LILRB3: variants seen among roughly 807,000 people sequenced by gnomAD.
LILRB3 encodes leukocyte immunoglobulin-like receptor subfamily B member 3.
In LILRB3, 32 loss-of-function variants were observed where a neutral mutation model predicts 68.2. The ratio of observed to expected loss-of-function variants is 0.47; its 90% confidence interval spans 0.35 to 0.63. The LOEUF (loss-of-function observed/expected upper bound fraction) is 0.63, where lower values mean the gene tolerates loss of function less well. Among genes scored for constraint, LILRB3 ranks in the 30% least tolerant of loss-of-function variants. The pLI is 0.00. For synonymous variants in LILRB3, 185 were observed against 323.1 expected (o/e 0.57, Z 4.58); for missense variants, 502 against 791.3 (o/e 0.63, Z 4.39).
At position 54,218,683 on chromosome 19, in the gene LILRB3, C is replaced by T. The variant is rs1013379659; in HGVS notation, c.1503-1G>A. 1.2e-6 allele frequency: 2 copies of T among 1,614,176 alleles called. No homozygotes were observed. The highest frequency in any genetic ancestry group is 2.2e-5 in the East Asian group (1 of 44,876). The stretch of plus-strand genomic sequence containing the variant: ...CTGGACGTCAGCAGCTGGGCTGGAC[C>T]TGGAGGAGGACATGGGAGTGTGAGG... On this transcript the variant is annotated splice_acceptor_variant, in intron 9 of 12. Transcript: ENST00000445347. LOFTEE classifies it high-confidence loss of function.
exon 11 of LILRB3, chr19:54,218,405 C>A: frequency 6.2e-7 from 1 of 1,614,186 alleles, no homozygotes; most frequent in Non-Finnish European, 8.5e-7. Context: ...GTGTCCTTCA[C>A]AGCAGCATCT....
exon 11 of LILRB3, chr19:54,218,405 C>G (rs376273004): frequency 6.2e-7 from 1 of 1,614,186 alleles, no homozygotes; most frequent in Non-Finnish European, 8.5e-7. Flanking sequence ...GTGTCCTTCA[C>G]AGCAGCATCT....
chr19:54,218,817 T>C, exon 9 of LILRB3: 3 of 1,614,142 alleles, frequency 1.9e-6, no homozygotes, highest in Non-Finnish European at 2.5e-6. Flanking sequence ...TGCAGGACGC[T>C]GGAAATCAGT....
At position 54,222,603 on chromosome 19, in the gene LILRB3, G is replaced by A. The variant is rs1384040636; in HGVS notation, c.71-41C>T. 1.2e-4 allele frequency: 194 copies of A among 1,610,764 alleles called. 5 individuals carry two copies. In the East Asian group the frequency reaches 2.4e-3, roughly 20 times the overall value. ...AGGCTGGATCCCAAGACATCCCCAC[G>A]CTCAGATCCCAGCTCCCAGCCCCAG... On this transcript the variant is annotated intron_variant, in intron 2 of 12. Coordinates refer to ENST00000445347, the Ensembl canonical transcript of LILRB3.
exon 12 of LILRB3, chr19:54,217,414 T>G (rs748248969): frequency 1.9e-6 from 3 of 1,608,072 alleles, no homozygotes; most frequent in Non-Finnish European, 2.5e-6. Context: ...ATTTCTCTCC[T>G]AGGACTGGAG....
At chr19:54,219,003 G>A (rs1198566481) in intron 8 of LILRB3, 126 bp downstream of exon 8, 30 of 1,516,960 alleles carry the variant, frequency 2.0e-5, no homozygotes, top group South Asian at 5.1e-5. Flanking sequence ...TTGTAAATGC[G>A]TATTGAAATT....
chr19:54,220,577 G>A (rs764615783), exon 6 of LILRB3: 1 of 1,431,120 alleles, frequency 7.0e-7, no homozygotes, highest in Non-Finnish European at 9.5e-7. Context: ...GCAGGTGGGG[G>A]TTGGAGCTGC....
exon 9 of LILRB3, chr19:54,218,805 C>T (rs2077757291): frequency 6.2e-7 from 1 of 1,613,964 alleles, no homozygotes; most frequent in African/African-American, 1.3e-5. Flanking sequence ...CTCCGCAGCC[C>T]CTGCAGGACG....
chr19:54,218,855 A>G lies in LILRB3; in HGVS notation c.1427-17T>C. ...TTCTCTGGTCTGGGTGAAGATGGAC[A>G]GAGTCTCAGCCCTGGGAACATTAGA... On this transcript the variant is annotated splice_polypyrimidine_tract_variant and intron_variant, in intron 8 of 12. Transcript: ENST00000445347. The G allele has an allele frequency of 6.2e-7, 1 of 1,613,676 alleles. No homozygotes were observed.
chr19:54,219,835 C>A (rs1415119414), intron 7 of LILRB3: 2 of 1,541,762 alleles, frequency 1.3e-6, no homozygotes, highest in Non-Finnish European at 1.8e-6. Flanking sequence ...TCCCCTGGAC[C>A]CCGCCCATCT....
At chr19:54,221,946 C>T in exon 4 of LILRB3, 9 of 1,603,458 alleles carry the variant, frequency 5.6e-6, no homozygotes, top group Non-Finnish European at 6.8e-6. Flanking sequence ...CCACAGGGAA[C>T]AGGGCCTGGA....
chr19:54,221,743 C>T (rs2078199125), intron 4 of LILRB3, 85 bp downstream of exon 4: 1 of 1,590,202 alleles, frequency 6.3e-7, no homozygotes, highest in Admixed American at 1.7e-5. Context: ...ACTCTGGGTC[C>T]TTTCCAGATT....
In LILRB3 at chr19:54,219,666, C is replaced by T. The variant is rs2077887138; in HGVS notation, c.1310-421G>A. The T allele has an allele frequency of 2.7e-6, 4 of 1,483,142 alleles. No individual in the cohort carries two copies. The South Asian group carries it at 4.1e-5, about 15-fold the overall frequency. The allele number at this position is 1,483,142 out of a possible 1,614,324, so 91.9% of individuals were successfully genotyped here. Reference sequence around the variant, plus strand: ...GAGGTTCCCTGGGAGGCCTCCTCTCCCAGGAGGTCACAGCTGGGGGTCAGA... The same window carrying T: ...GAGGTTCCCTGGGAGGCCTCCTCTCTCAGGAGGTCACAGCTGGGGGTCAGA... On this transcript the variant is annotated intron_variant, in intron 7 of 12. Transcript: ENST00000445347.
intron 10 of LILRB3, 86 bp downstream of exon 10, chr19:54,218,559 C>T (rs1018197734): frequency 1.1e-5 from 17 of 1,608,106 alleles, no homozygotes; most frequent in Admixed American, 1.7e-5. Flanking sequence ...GAGCCCCAGA[C>T]CCTTCCCAGC....
exon 6 of LILRB3, chr19:54,220,661 A>C (rs1421186655): frequency 9.7e-6 from 15 of 1,538,892 alleles, no homozygotes; most frequent in Non-Finnish European, 1.1e-5. Context: ...CCTGGTACTT[A>C]TGAGCTCCGT....
Position 54,217,223 on chromosome 19 carries a change from G to T in LILRB3, c.1766C>A (p.Ala589Asp), listed in dbSNP as rs757648159. 9 of 1,612,138 alleles carry T rather than the reference G, an allele frequency of 5.6e-6. No homozygotes were observed. In the Admixed American group the frequency reaches 1.5e-4, roughly 27 times the overall value. The change falls in exon 13 of 13, where the codon GCC (alanine) becomes GAC (aspartate). Residue 589 changes from alanine (A) to aspartate (D), a missense_variant. Physicochemically the swap from Ala to Asp is moderately radical, Grantham distance 126. Coordinates refer to ENST00000445347, the Ensembl canonical transcript of LILRB3. ...CTGGGCGTAGGTCACATCCTGGGAG[G>T]CTTCAGATGCAGCAGCCTGCAGCGG...
At chr19:54,221,845 A>C (rs1568981987) in exon 4 of LILRB3, 1 of 1,568,402 alleles carries the variant, frequency 6.4e-7, no homozygotes, top group Non-Finnish European at 8.7e-7. Flanking sequence ...CAGAATCTCC[A>C]GGGGGTCACT....
chr19:54,222,995 C>A, exon 1 of LILRB3: 2 of 1,612,368 alleles, frequency 1.2e-6, no homozygotes, highest in Non-Finnish European at 1.7e-6. Flanking sequence ...CTCCCGGTGA[C>A]CCCGCGCTCT....
chr19:54,219,840 C>G (rs944586017), intron 7 of LILRB3: 1 of 1,544,252 alleles, frequency 6.5e-7, no homozygotes. Context: ...TGGACCCCGC[C>G]CATCTCCCAC....
Sources: gnomAD v4.1 joint callset for allele counts on GRCh38, gnomAD v4.1.1 for gene constraint, MANE v1.5 for transcripts, NCBI Gene and HGNC (gene_info 2026-07-23, HGNC 2026-07-21) for gene names.